The following ANKRD30A variants were observed in gnomAD, a reference collection of about 807,000 sequenced individuals.
The protein encoded by ANKRD30A is ankyrin repeat domain 30A, also known as ankyrin repeat domain-containing protein 30A.
ANKRD30A carries 170 observed loss-of-function variants against 166.3 expected under a neutral mutation model. That is an observed-to-expected ratio of 1.02 (90% CI 0.90 to 1.16). ANKRD30A has a LOEUF of 1.16. Ranked by LOEUF, ANKRD30A falls within the 50% of genes most tolerant of loss-of-function variation. The probability of loss-of-function intolerance (pLI) is 0.00; values close to 1 mark genes in which losing one functional copy is unlikely to be tolerated. For synonymous variants in ANKRD30A, 564 were observed against 508.9 expected (o/e 1.11, Z -1.46); for missense variants, 1,630 against 1,518.0 (o/e 1.07, Z -1.23).
chr10:37,208,325 C>T (rs1403645424), intron 31 of ANKRD30A, among the ~76,000 whole-genome samples: 6 of 152,144 alleles, frequency 3.9e-5, no homozygotes, highest in Admixed American at 3.3e-4. Flanking sequence ...TGCTCAGCTT[C>T]GTCCTTCTTT....
intron 31 of ANKRD30A, among the ~76,000 whole-genome samples, chr10:37,215,495 A>G (rs189814419): frequency 1.8e-3 from 269 of 151,476 alleles, no homozygotes; most frequent in African/African-American, 6.2e-3. Context: ...GTTTTACCAG[A>G]CTCTAAGCTT....
At chr10:37,212,047 G>C (rs577120734) in intron 31 of ANKRD30A, among the ~76,000 whole-genome samples, 1 of 151,974 alleles carries the variant, frequency 6.6e-6, no homozygotes, top group Non-Finnish European at 1.5e-5. Flanking sequence ...GGAAATAAAG[G>C]GTATTCAATT....
chr10:37,136,837 A>ATG (rs965934415), intron 6 of ANKRD30A, among the ~76,000 whole-genome samples, 166 bp downstream of exon 6: 8 of 150,474 alleles, frequency 5.3e-5, no homozygotes, highest in African/African-American at 2.0e-4. Flanking sequence ...GTGTGTATAT[A>ATG]TATATATATA....
intron 25 of ANKRD30A, among the ~76,000 whole-genome samples, chr10:37,190,159 C>G (rs185178913): frequency 3.2e-4 from 48 of 151,994 alleles, no homozygotes; most frequent in Non-Finnish European, 6.0e-4. Flanking sequence ...GTCATATACA[C>G]TCTGTATAGA....
At chr10:37,189,749 G>A (rs1199699354) in intron 25 of ANKRD30A, among the ~76,000 whole-genome samples, 192 bp downstream of exon 25, 1 of 149,968 alleles carries the variant, frequency 6.7e-6, no homozygotes, top group Non-Finnish European at 1.5e-5. Flanking sequence ...TGCTGAAGAG[G>A]AGCTGAATTA....
rs112577876 is a variant in ANKRD30A at position 37,224,766 on chromosome 10, A to T, written c.4185+4869A>T. Among the ~76,000 whole-genome samples the T allele has an allele frequency of 7.3e-5, 11 of 151,574 alleles. No homozygotes were observed. The South Asian group carries it at 2.3e-3, about 31-fold the overall frequency. On this transcript the variant is annotated intron_variant, in intron 34 of 35. Transcript: ENST00000361713. ...AGCAAAGATCTTTAGATCTCTTCCTACAACAGTCGTGAAGTCTTCACATGA... is the reference window on the plus strand; with the variant it reads ...AGCAAAGATCTTTAGATCTCTTCCTTCAACAGTCGTGAAGTCTTCACATGA...
intron 6 of ANKRD30A, among the ~76,000 whole-genome samples, chr10:37,140,196 G>A (rs1837004839): frequency 6.6e-6 from 1 of 152,176 alleles, no homozygotes. Context: ...GGAGAGATTT[G>A]TCTTGCTATC....
intron 31 of ANKRD30A, among the ~76,000 whole-genome samples, chr10:37,205,666 C>T (rs930238958): frequency 1.3e-5 from 2 of 152,208 alleles, no homozygotes; most frequent in South Asian, 4.1e-4. Flanking sequence ...AATTACCTGA[C>T]TATGTGAAGC....
chr10:37,178,582 G>T (rs1305475239), intron 24 of ANKRD30A: 2 of 978,788 alleles, frequency 2.0e-6, no homozygotes, highest in Non-Finnish European at 2.4e-6. Flanking sequence ...GACAGAAAAG[G>T]TCAGGAGAAA....
chr10:37,166,601 A>T lies in ANKRD30A; in HGVS notation c.2065-4A>T. ...AAATTATTTATTGCTATTACTTTTA[A>T]CAGAGTCTCTGTGAGACTGTTTCAC... On this transcript the variant is annotated splice_region_variant and splice_polypyrimidine_tract_variant and intron_variant, in intron 18 of 35. Transcript: ENST00000361713. 1 of 1,575,180 alleles carries T rather than the reference A, an allele frequency of 6.3e-7. No individual in the cohort carries two copies. The highest frequency in any genetic ancestry group is 1.4e-5 in the African/African-American group (1 of 72,854).
At chr10:37,156,887 C>G (rs1249237232) in intron 13 of ANKRD30A, among the ~76,000 whole-genome samples, 1 of 152,084 alleles carries the variant, frequency 6.6e-6, no homozygotes, top group Non-Finnish European at 1.5e-5. Context: ...TTCTAACACA[C>G]ATACATGCAA....
At chr10:37,223,251 A>C (rs1485445348) in intron 34 of ANKRD30A, among the ~76,000 whole-genome samples, 1 of 151,272 alleles carries the variant, frequency 6.6e-6, no homozygotes, top group Non-Finnish European at 1.5e-5. Context: ...TAAGTTGAGA[A>C]TATTGAGAAT....
At chr10:37,251,460 C>A in the ANKRD30A span, among the ~76,000 whole-genome samples, 1 of 152,168 alleles carries the variant, frequency 6.6e-6, no homozygotes, top group Non-Finnish European at 1.5e-5. Context: ...CACCTTCAGG[C>A]TTATTTCCTT....
In ANKRD30A at chr10:37,150,505, A is replaced by G. The variant is rs193104588; in HGVS notation, c.1645+656A>G. ...GTCTTTTTACACTAACCTACTTTTT[A>G]AAACTATTCTTATGCATGTTTAAAC... On this transcript the variant is annotated intron_variant, in intron 11 of 35. Transcript: ENST00000361713. Among the ~76,000 whole-genome samples, 12 of 152,152 alleles carry G rather than the reference A, an allele frequency of 7.9e-5. 1 individual carries two copies. Among genetic ancestry groups the G allele is most frequent in the African/African-American group, 2.9e-4 (12 of 41,556 alleles).
intron 29 of ANKRD30A, among the ~76,000 whole-genome samples, chr10:37,198,841 T>C (rs1329239986): frequency 1.3e-5 from 2 of 152,118 alleles, no homozygotes; most frequent in African/African-American, 4.8e-5. Context: ...TTGTGCATGT[T>C]TGCTTTTTTC....
chr10:37,165,799 G>A (rs1025409819), intron 18 of ANKRD30A, among the ~76,000 whole-genome samples: 1 of 152,108 alleles, frequency 6.6e-6, no homozygotes, highest in African/African-American at 2.4e-5. Context: ...CAGCATGAGC[G>A]TCAAATCATA....
intron 19 of ANKRD30A, among the ~76,000 whole-genome samples, chr10:37,167,335 A>C (rs1373267985): frequency 6.8e-6 from 1 of 147,492 alleles, no homozygotes; most frequent in Admixed American, 6.7e-5. Flanking sequence ...TTTGATGTTC[A>C]CAATTTGAAT....
In ANKRD30A at chr10:37,217,882, A is replaced by G. The variant is rs1842685320; in HGVS notation, c.3267+4A>G. ...TGTAGAAAGTAATTTGAATCAGGTA[A>G]ATCAATCTCTGATAAAAATTTTATA... On this transcript the variant is annotated splice_donor_region_variant and intron_variant, in intron 33 of 35. Transcript: ENST00000361713. 1 of 1,514,638 alleles carries G rather than the reference A, an allele frequency of 6.6e-7. No homozygotes were observed. The highest frequency in any genetic ancestry group is 8.8e-7 in the Non-Finnish European group (1 of 1,134,802). 93.8% of individuals were successfully genotyped at this position (1,514,638 alleles called of 1,614,324 possible). A position where few individuals can be genotyped will look rare whatever the true frequency, so the allele number is the denominator to read the frequency against.
chr10:37,178,980 C>T (rs1337869042), intron 24 of ANKRD30A, among the ~76,000 whole-genome samples: 23 of 147,242 alleles, frequency 1.6e-4, no homozygotes, highest in African/African-American at 5.5e-4. Flanking sequence ...ACCTCAGTGA[C>T]TCATTAATTT....
Sources: allele counts gnomAD v4.1 joint callset (sites outside exome capture counted in the v4.1 genomes callset), GRCh38; gene constraint gnomAD v4.1.1; transcripts MANE v1.5; gene names NCBI Gene and HGNC (gene_info 2026-07-23, HGNC 2026-07-21).